PPP1R12B: variants seen among roughly 807,000 people sequenced by gnomAD.
The protein encoded by PPP1R12B is protein phosphatase 1 regulatory subunit 12B.
PPP1R12B carries 76 observed loss-of-function variants against 126.1 expected under a neutral mutation model. That is an observed-to-expected ratio of 0.60 (90% CI 0.50 to 0.73). The LOEUF is 0.73. Among genes scored for constraint, PPP1R12B ranks in the 30% least tolerant of loss-of-function variants. The pLI is 0.00. For synonymous variants in PPP1R12B, 356 were observed against 434.7 expected (o/e 0.82, Z 2.25); for missense variants, 1,052 against 1,205.1 (o/e 0.87, Z 1.88).
chr1:202,449,368 C>G (rs542255015), intron 13 of PPP1R12B, among the ~76,000 whole-genome samples, 197 bp downstream of exon 13: 1 of 151,734 alleles, frequency 6.6e-6, no homozygotes, highest in African/African-American at 2.4e-5. Context: ...CTCCTCCTCC[C>G]GGGTTCAAAC....
chr1:202,399,209 T>G (rs1225993211), intron 1 of PPP1R12B, among the ~76,000 whole-genome samples: 1 of 152,186 alleles, frequency 6.6e-6, no homozygotes, highest in Admixed American at 6.5e-5. Context: ...ATATTCATAT[T>G]TGTCATATAA....
chr1:202,432,410 G>A lies in PPP1R12B; in HGVS notation c.1141+791G>A, dbSNP rs142467724. On this transcript the variant is annotated intron_variant, in intron 8 of 23. Coordinates refer to ENST00000608999, the MANE Select transcript of PPP1R12B (RefSeq NM_002481.4). ...CAGCCTCTCAGTAGCTGGGACTACA[G>A]GTGTGCACCATCATGCCCAGCTAAT... Among the ~76,000 whole-genome samples, 597 of 152,122 alleles carry A rather than the reference G, an allele frequency of 3.9e-3. 3 individuals are homozygous for A. Among genetic ancestry groups the A allele is most frequent in the African/African-American group, 0.013 (543 of 41,502 alleles).
chr1:202,476,298 T>C (rs1676645875), intron 13 of PPP1R12B, among the ~76,000 whole-genome samples: 1 of 151,536 alleles, frequency 6.6e-6, no homozygotes. Flanking sequence ...GCATCCTCAG[T>C]GGTCAGTATT....
At chr1:202,563,369 A>G (rs1032775483) in intron 20 of PPP1R12B, among the ~76,000 whole-genome samples, 2 of 152,132 alleles carry the variant, frequency 1.3e-5, no homozygotes, top group African/African-American at 4.8e-5. Flanking sequence ...TTCCCACCTC[A>G]GCCTCCCAAA....
At chr1:202,433,954 G>T (rs1670502197) in intron 8 of PPP1R12B, among the ~76,000 whole-genome samples, 1 of 152,048 alleles carries the variant, frequency 6.6e-6, no homozygotes, top group African/African-American at 2.4e-5. Context: ...AATGTTTTTT[G>T]TTGAATATAT....
intron 10 of PPP1R12B, chr1:202,439,245 A>G (rs1336289365): frequency 1.4e-6 from 2 of 1,385,100 alleles, no homozygotes. Context: ...TCCAGACAAT[A>G]TCAAGGCTGT....
chr1:202,446,221 TCTC>T (rs1672229790), intron 12 of PPP1R12B, among the ~76,000 whole-genome samples: 1 of 57,532 alleles, frequency 1.7e-5, no homozygotes, highest in Non-Finnish European at 3.1e-5. Context: ...TTACTCTCTC[TCTC>T]TCTCTCTCTC....
chr1:202,532,959 T>C (rs1402983834), intron 18 of PPP1R12B, among the ~76,000 whole-genome samples: 1 of 150,132 alleles, frequency 6.7e-6, no homozygotes, highest in Non-Finnish European at 1.5e-5. Context: ...AACCTCTGCT[T>C]CCCAGGTTCA....
chr1:202,390,013 G>C (rs1220374878), intron 1 of PPP1R12B, among the ~76,000 whole-genome samples: 1 of 151,406 alleles, frequency 6.6e-6, no homozygotes, highest in Non-Finnish European at 1.5e-5. Context: ...AAAGTAGGAA[G>C]ACTCACACTT....
intron 3 of PPP1R12B, among the ~76,000 whole-genome samples, chr1:202,423,543 A>G (rs1669098896): frequency 6.6e-6 from 1 of 152,230 alleles, no homozygotes; most frequent in South Asian, 2.1e-4. Context: ...GATAGATTGG[A>G]TGAACCACAA....
In PPP1R12B at chr1:202,420,283, G is replaced by T. The variant is rs575790111; in HGVS notation, c.423-2337G>T. ...TGACTGAGGTCTAGAATTAGTGTTT[G>T]TTGGGGAGGAGAAGAGGGAGTATGG... is the stretch of plus-strand genomic sequence containing the variant. On this transcript the variant is annotated intron_variant, in intron 2 of 23. Transcript: ENST00000608999. 1.6e-3 allele frequency among the ~76,000 whole-genome samples: 237 copies of T among 152,348 alleles called. 8 individuals are homozygous for T. The South Asian group carries it at 0.048, about 31-fold the overall frequency.
intron 1 of PPP1R12B, among the ~76,000 whole-genome samples, chr1:202,380,028 GT>G (rs926982792): frequency 3.3e-5 from 5 of 152,090 alleles, no homozygotes; most frequent in Admixed American, 1.3e-4. Context: ...TGTCTTACCA[GT>G]TTTTTTCCCT....
Position 202,508,243 on chromosome 1 carries a change from T to G in PPP1R12B, c.2490+11421T>G, listed in dbSNP as rs187186428. 2.6e-5 allele frequency among the ~76,000 whole-genome samples: 4 copies of G among 152,348 alleles called. No individual in the cohort carries two copies. In the East Asian group the frequency reaches 7.7e-4, roughly 29 times the overall value. On this transcript the variant is annotated intron_variant, in intron 18 of 23. Transcript: ENST00000608999. This position sits in a 1 kb window ranked among gnomAD's most constrained non-coding sequence, Gnocchi z 4.5. ...TCTCTTCGTAGAGAAACCATAGTTTTGTAACCTAGTATGATCCTTTAAGGT... is the reference window on the plus strand; with the variant it reads ...TCTCTTCGTAGAGAAACCATAGTTTGGTAACCTAGTATGATCCTTTAAGGT...
At chr1:202,407,079 T>A (rs1308257443) in intron 1 of PPP1R12B, among the ~76,000 whole-genome samples, 1 of 152,188 alleles carries the variant, frequency 6.6e-6, no homozygotes. Context: ...TTCTTTCTCC[T>A]CAACTTTCAA....
chr1:202,351,825 TTCTC>T (rs1656067653), intron 1 of PPP1R12B, among the ~76,000 whole-genome samples: 1 of 152,242 alleles, frequency 6.6e-6, no homozygotes, highest in Non-Finnish European at 1.5e-5. Flanking sequence ...GGGACAATTT[TTCTC>T]CTCCTACAAC....
At chr1:202,411,146 G>T (rs1202966804) in intron 1 of PPP1R12B, among the ~76,000 whole-genome samples, 1 of 152,082 alleles carries the variant, frequency 6.6e-6, no homozygotes, top group Non-Finnish European at 1.5e-5. Context: ...GCTGCCGATG[G>T]AGTGGGCAGA....
intron 9 of PPP1R12B, among the ~76,000 whole-genome samples, chr1:202,436,139 A>G (rs1389820159): frequency 6.6e-6 from 1 of 152,076 alleles, no homozygotes; most frequent in African/African-American, 2.4e-5. Flanking sequence ...ACACACCTGT[A>G]GTCCCAGTGA....
intron 18 of PPP1R12B, among the ~76,000 whole-genome samples, chr1:202,540,875 G>A (rs1685053692): frequency 6.6e-6 from 1 of 152,160 alleles, no homozygotes; most frequent in Non-Finnish European, 1.5e-5. Flanking sequence ...CTAACTCTTG[G>A]CCATTGACAA....
chr1:202,411,116 G>A (rs1011453401), intron 1 of PPP1R12B, among the ~76,000 whole-genome samples: 3 of 152,112 alleles, frequency 2.0e-5, no homozygotes, highest in South Asian at 2.1e-4. Flanking sequence ...TGCTTCAGTC[G>A]TGAATGAGTC....
Sources: gnomAD v4.1 joint callset for allele counts (sites outside exome capture counted in the v4.1 genomes callset) on GRCh38, gnomAD v4.1.1 for gene constraint, Gnocchi (gnomAD v3.1) non-coding constraint, MANE v1.5 for transcripts, NCBI Gene and HGNC (gene_info 2026-07-23, HGNC 2026-07-21) for gene names.